The following ABITRAM variants were observed in gnomAD, a reference collection of about 807,000 sequenced individuals.
ABITRAM encodes the protein protein Abitram.
A neutral mutation model predicts 22.9 loss-of-function variants in ABITRAM; 19 were observed. The observed-to-expected ratio is 0.83, with a 90% confidence interval of 0.58 to 1.22. The LOEUF (loss-of-function observed/expected upper bound fraction) is 1.22, where lower values mean the gene tolerates loss of function less well. ABITRAM is among the 50% of genes most tolerant of loss of function. The pLI is 0.00. For synonymous variants in ABITRAM, 70 were observed against 73.9 expected (o/e 0.95, Z 0.27); for missense variants, 215 against 220.2 (o/e 0.98, Z 0.15).
chr9:108,937,047 C>G (rs2132065564), intron 3 of ABITRAM, among the ~76,000 whole-genome samples: 1 of 152,178 alleles, frequency 6.6e-6, no homozygotes, highest in Middle Eastern at 3.4e-3. Flanking sequence ...GTAATCCCAG[C>G]CACTCGGGAG....
At chr9:108,943,845 G>A, downstream of ABITRAM, 2 of 1,607,496 alleles carry the variant, frequency 1.2e-6, no homozygotes, top group Non-Finnish European at 8.5e-7. Context: ...AGTTATAACA[G>A]CCCGCAACAA....
chr9:108,934,761 G>T (rs561031367), intron 1 of ABITRAM, among the ~76,000 whole-genome samples, 196 bp downstream of exon 1: 4 of 152,298 alleles, frequency 2.6e-5, no homozygotes, highest in Admixed American at 6.5e-5. Context: ...ACTTCAGGGC[G>T]CATTCTGGGG....
chr9:108,935,632 T>G lies in ABITRAM; in HGVS notation c.80-6T>G, dbSNP rs768084582. 1.9e-6 allele frequency: 3 copies of G among 1,610,384 alleles called. No individual in the cohort carries two copies. The highest frequency in any genetic ancestry group is 2.2e-5 in the South Asian group (2 of 90,984). The stretch of plus-strand genomic sequence containing the variant: ...CAGCCACCAACAGACTCATGTATTC[T>G]TCTAGATGTCAAAGGAAAATTTTGT... On this transcript the variant is annotated splice_region_variant and splice_polypyrimidine_tract_variant and intron_variant, in intron 1 of 5. Transcript: ENST00000322940.
chr9:108,946,637 G>A (rs917309617), intron 3 of ABITRAM, among the ~76,000 whole-genome samples: 8 of 152,044 alleles, frequency 5.3e-5, no homozygotes, highest in African/African-American at 1.9e-4. Context: ...AATTCTTATT[G>A]TCTATATTCT....
downstream of ABITRAM, chr9:108,943,921 A>C (rs1383512661): frequency 6.2e-7 from 1 of 1,606,610 alleles, no homozygotes; most frequent in African/African-American, 1.3e-5. Context: ...TAGGTTATAC[A>C]TAATACCACC....
intron 1 of ABITRAM, among the ~76,000 whole-genome samples, chr9:108,935,134 C>T (rs1830160204): frequency 6.6e-6 from 1 of 152,144 alleles, no homozygotes; most frequent in Non-Finnish European, 1.5e-5. Flanking sequence ...ACTCTCCTTT[C>T]TTCCTTTCAT....
At chr9:108,943,853 C>A (rs548302043), downstream of ABITRAM, 6 of 1,607,186 alleles carry the variant, frequency 3.7e-6, no homozygotes, top group East Asian at 6.7e-5. Flanking sequence ...CAGCCCGCAA[C>A]AAAACTCCAT....
At chr9:108,943,563 TAATA>T (rs1830310142), downstream of ABITRAM, 4 of 681,322 alleles carry the variant, frequency 5.9e-6, no homozygotes, top group East Asian at 1.1e-4. Context: ...TGAGAGTAGA[TAATA>T]AATGATTCTT....
At chr9:108,947,404 C>T (rs958608905) in intron 3 of ABITRAM, among the ~76,000 whole-genome samples, 3 of 152,070 alleles carry the variant, frequency 2.0e-5, no homozygotes, top group Non-Finnish European at 2.9e-5. Context: ...TGAGCCACCG[C>T]GCCTGGCCTA....
At chr9:108,944,004 C>G (rs1449045231), downstream of ABITRAM, 2 of 1,613,648 alleles carry the variant, frequency 1.2e-6, no homozygotes, top group Admixed American at 1.7e-5. Flanking sequence ...GCTTTAAACC[C>G]TCTGCAGCAA....
chr9:108,939,120 A>T, intron 3 of ABITRAM, 76 bp from the exon 4 acceptor site: 1 of 1,205,574 alleles, frequency 8.3e-7, no homozygotes, highest in South Asian at 1.3e-5. Flanking sequence ...ACATCCTGTT[A>T]TACACCTAAG....
At position 108,934,492 on chromosome 9, in the gene ABITRAM, T is replaced by C; in HGVS notation, c.6T>C (p.Ala2=). 1 of 1,601,826 alleles carries C rather than the reference T, an allele frequency of 6.2e-7. No homozygotes were observed. Among genetic ancestry groups the C allele is most frequent in the Non-Finnish European group, 8.5e-7 (1 of 1,175,544 alleles). Residue 2 remains alanine (A), a synonymous_variant, in exon 1 of 6, where the codon GCT becomes GCC. Coordinates refer to ENST00000322940, the MANE Select transcript of ABITRAM (RefSeq NM_017832.4). M[A]TEPEAAEPVV... ...TGGCGGCGCCGGAGGTCGCCATGGC[T>C]ACCGAGCCCGAAGCCGCGGAGCCGG...
chr9:108,939,684 T>C lies in ABITRAM; in HGVS notation c.544T>C (p.Ter182ArgextTer22), dbSNP rs779664749. 1.2e-5 allele frequency: 20 copies of C among 1,613,568 alleles called. No individual in the cohort carries two copies. Among genetic ancestry groups the C allele is most frequent in the Admixed American group, 1.7e-5 (1 of 59,912 alleles). The part of the protein sequence containing the change: ...KRINATTATS[*>R] ...CATTAATGCCACAACAGCTACGTCA[T>C]GAGGATTGACATGGAACAAAAAGCA... Residue 182 changes from the stop codon to arginine, a stop_lost, in exon 6 of 6, where the codon TGA becomes CGA. Coordinates refer to ENST00000322940, the MANE Select transcript of ABITRAM (RefSeq NM_017832.4).
chr9:108,937,079 G>A (rs905799967), intron 3 of ABITRAM, among the ~76,000 whole-genome samples: 14 of 152,312 alleles, frequency 9.2e-5, no homozygotes, highest in African/African-American at 3.4e-4. Context: ...AGAATGGCTT[G>A]AACCTGGGAG....
rs1830186683 is a variant in ABITRAM at position 108,936,309 on chromosome 9, A to G, written c.133A>G (p.Ile45Val). 6.2e-7 allele frequency: 1 copy of G among 1,612,874 alleles called. No homozygotes were observed. Among genetic ancestry groups the G allele is most frequent in the Non-Finnish European group, 8.5e-7 (1 of 1,179,662 alleles). ...AGGATCAACTTTTTCTCCTTGTAGAATATGTGTCATCACATTGGCAGAATC... is the reference window on the plus strand; with the variant it reads ...AGGATCAACTTTTTCTCCTTGTAGAGTATGTGTCATCACATTGGCAGAATC... ...DHCILQHSNR[I>V]CVITLAESHP... The change falls in exon 3 of 6, where the codon ATA becomes GTA. Residue 45 changes from isoleucine to valine, a missense_variant and splice_region_variant. By Grantham distance (29) the Ile-to-Val change is conservative. Coordinates refer to ENST00000322940, the MANE Select transcript of ABITRAM (RefSeq NM_017832.4).
exon 4 of ABITRAM, chr9:108,950,731 A>G (rs1405498791): frequency 7.9e-6 from 9 of 1,139,088 alleles, no homozygotes; most frequent in Non-Finnish European, 1.1e-5. Flanking sequence ...AATAAATTGA[A>G]CACATTAACC....
chr9:108,939,623 G>A lies in ABITRAM; in HGVS notation c.483G>A (p.Leu161=). The change falls in exon 6 of 6, where the codon CTG becomes CTA. Residue 161 remains leucine, a synonymous_variant. Transcript: ENST00000322940. ...GTAAAAGCATAACAGAAGGGTTACT[G>A]ACACAAAAACAATATGAAGAAGTCA... The part of the protein sequence containing the change: ...EESKSITEGL[L]TQKQYEEVMV... 1 of 1,613,970 alleles carries A rather than the reference G, an allele frequency of 6.2e-7. No homozygotes were observed. Among genetic ancestry groups the A allele is most frequent in the Non-Finnish European group, 8.5e-7 (1 of 1,179,944 alleles).
chr9:108,935,645 A>G lies in ABITRAM; in HGVS notation c.87A>G (p.Lys29=), dbSNP rs917033504. ...YFTRWYKPDV[K]GKFCEDHCIL... ...ACTCATGTATTCTTCTAGATGTCAAAGGAAAATTTTGTGAGGACCACTGTA... is the reference window on the plus strand; with the variant it reads ...ACTCATGTATTCTTCTAGATGTCAAGGGAAAATTTTGTGAGGACCACTGTA... The change falls in exon 2 of 6, where the codon AAA becomes AAG. Residue 29 remains lysine, a synonymous_variant. Coordinates refer to ENST00000322940, the MANE Select transcript of ABITRAM (RefSeq NM_017832.4). The G allele has an allele frequency of 5.6e-6, 9 of 1,613,002 alleles. 1 individual carries two copies. The Middle Eastern group carries it at 9.9e-4, about 178-fold the overall frequency.
At chr9:108,943,952 CAT>C (rs1423521562), downstream of ABITRAM, 3 of 1,612,696 alleles carry the variant, frequency 1.9e-6, no homozygotes, top group Non-Finnish European at 1.7e-6. Context: ...GGTAGGTAGA[CAT>C]GTGTTACCTG....
Sources: gnomAD v4.1 joint callset for allele counts (sites outside exome capture counted in the v4.1 genomes callset) on GRCh38, gnomAD v4.1.1 for gene constraint, MANE v1.5 for transcripts, NCBI Gene and HGNC (gene_info 2026-07-23, HGNC 2026-07-21) for gene names.